Variants in SEMA5B observed in about 807,000 individuals in gnomAD.
SEMA5B encodes the protein semaphorin-5B.
In SEMA5B, 66 loss-of-function variants were observed where a neutral mutation model predicts 135.0. That is an observed-to-expected ratio of 0.49 (90% CI 0.40 to 0.60). The LOEUF is 0.60. Ranked by LOEUF, SEMA5B falls within the 20% of genes least tolerant of loss-of-function variation. The probability of loss-of-function intolerance (pLI) is 0.00; values close to 1 mark genes in which losing one functional copy is unlikely to be tolerated. For synonymous variants in SEMA5B, 690 were observed against 639.5 expected, an observed-to-expected ratio of 1.08 and a Z score of -1.19; for missense variants, 1,501 against 1,566.3, an observed-to-expected ratio of 0.96 and a Z score of 0.70.
intron 1 of SEMA5B, among the ~76,000 whole-genome samples, chr3:122,986,155 G>T (rs1295878780): frequency 6.6e-6 from 1 of 152,136 alleles, no homozygotes; most frequent in Non-Finnish European, 1.5e-5. Flanking sequence ...ACTGTCCTTT[G>T]TCTTACTCTA....
chr3:123,004,084 G>A lies in SEMA5B; in HGVS notation c.-39+23380C>T, dbSNP rs1211877881. ...CCCCTGCTAAAGCTAAACAGCATACGTACCCTTAAACCTGTCAAGGCCATC... is the reference window on the plus strand; with the variant it reads ...CCCCTGCTAAAGCTAAACAGCATACATACCCTTAAACCTGTCAAGGCCATC... On this transcript the variant is annotated intron_variant, in intron 1 of 22. Transcript: ENST00000357599. 3.9e-5 allele frequency among the ~76,000 whole-genome samples: 6 copies of A among 152,098 alleles called. No homozygotes were observed. In the South Asian group the frequency reaches 8.3e-4, roughly 21 times the overall value.
chr3:122,936,361 C>G (rs1424254241), intron 5 of SEMA5B, among the ~76,000 whole-genome samples: 1 of 152,212 alleles, frequency 6.6e-6, no homozygotes, highest in African/African-American at 2.4e-5. Context: ...GTCCACTGCT[C>G]TGTGGAGTTT....
chr3:123,007,008 C>T (rs993852141), intron 1 of SEMA5B, among the ~76,000 whole-genome samples: 1 of 152,162 alleles, frequency 6.6e-6, no homozygotes, highest in African/African-American at 2.4e-5. Context: ...CAGAACTTCC[C>T]ACCCAGAAAA....
At position 122,910,968 on chromosome 3, in the gene SEMA5B, G is replaced by A; in HGVS notation, c.3169C>T (p.Leu1057=). ...GSGLLTLAVY[L]SCQHCQRQSQ... is the part of the protein sequence containing the mutation. ...TGACGCTGGCAGTGCTGGCAAGACAGGTACACTGCTAGGGTCAGGAGCCCA... is the reference window on the plus strand; with the variant it reads ...TGACGCTGGCAGTGCTGGCAAGACAAGTACACTGCTAGGGTCAGGAGCCCA... The change falls in exon 22 of 23, where the codon CTG becomes TTG. Residue 1057 remains leucine, a synonymous_variant. Transcript: ENST00000357599. 6.2e-7 allele frequency: 1 copy of A among 1,614,030 alleles called. No individual in the cohort carries two copies. The highest frequency in any genetic ancestry group is 8.5e-7 in the Non-Finnish European group (1 of 1,180,010).
intron 1 of SEMA5B, among the ~76,000 whole-genome samples, chr3:122,968,338 G>T (rs113149802): frequency 6.6e-6 from 1 of 152,198 alleles, no homozygotes; most frequent in Non-Finnish European, 1.5e-5. Flanking sequence ...ATTTACACAG[G>T]TGAAGAGACA....
At chr3:122,920,497 TAA>T (rs1378985446) in intron 12 of SEMA5B, among the ~76,000 whole-genome samples, 1 of 152,252 alleles carries the variant, frequency 6.6e-6, no homozygotes, top group Non-Finnish European at 1.5e-5. Context: ...GGAGGGCTCC[TAA>T]ATGCATTTGG....
At chr3:122,938,896 T>G (rs917267101) in intron 5 of SEMA5B, among the ~76,000 whole-genome samples, 2 of 152,236 alleles carry the variant, frequency 1.3e-5, no homozygotes, top group Non-Finnish European at 1.5e-5. Context: ...TGGGAAGTCC[T>G]TCTTGGCAGC....
chr3:122,950,914 G>A (rs1940018292), intron 2 of SEMA5B, among the ~76,000 whole-genome samples: 1 of 152,220 alleles, frequency 6.6e-6, no homozygotes, highest in Non-Finnish European at 1.5e-5. Flanking sequence ...GTTAAAAAGT[G>A]TGAAGATTTT....
intron 5 of SEMA5B, among the ~76,000 whole-genome samples, chr3:122,935,322 G>T (rs994443700): frequency 6.6e-6 from 1 of 151,998 alleles, no homozygotes; most frequent in African/African-American, 2.4e-5. Context: ...GGCTGGGGGA[G>T]CAGGGGGTGG....
At chr3:122,967,443 G>A (rs974651397) in intron 1 of SEMA5B, among the ~76,000 whole-genome samples, 1 of 152,084 alleles carries the variant, frequency 6.6e-6, no homozygotes, top group Non-Finnish European at 1.5e-5. Flanking sequence ...TTTGTGGGTG[G>A]GTGCACCCAT....
chr3:122,948,589 G>C lies in SEMA5B; in HGVS notation c.245C>G (p.Ser82Cys). The change falls in exon 3 of 23, where the codon TCC becomes TGC. Residue 82 changes from serine (S) to cysteine (C), a missense_variant. Ser to Cys is a moderately radical substitution (Grantham distance 112). Around this residue, in one of 2 missense-constraint regions of SEMA5B, gnomAD observed 574 missense variants for 684.7 expected, o/e 0.84. Coordinates refer to ENST00000357599, the MANE Select transcript of SEMA5B (RefSeq NM_001031702.4). ...CTCACTGGAGACATCCTGGGAGCTG[G>C]AGAGGTGGGACACCAGCAGTGTGAG... ...PSLTLLVSHLSSSQDVSSEPS... is the reference protein window; with the variant it reads ...PSLTLLVSHLCSSQDVSSEPS... 1 of 1,614,050 alleles carries C rather than the reference G, an allele frequency of 6.2e-7. No individual in the cohort carries two copies. The highest frequency in any genetic ancestry group is 8.5e-7 in the Non-Finnish European group (1 of 1,179,958).
intron 1 of SEMA5B, among the ~76,000 whole-genome samples, chr3:123,000,653 A>G (rs1443309225): frequency 1.3e-5 from 2 of 152,198 alleles, no homozygotes; most frequent in Non-Finnish European, 2.9e-5. Context: ...TAGGTGGCAC[A>G]GCAGGAACTC....
At chr3:123,020,261 C>T (rs1267658093) in intron 1 of SEMA5B, among the ~76,000 whole-genome samples, 1 of 152,146 alleles carries the variant, frequency 6.6e-6, no homozygotes, top group Non-Finnish European at 1.5e-5. Context: ...CATTATAAAG[C>T]CCATCTTAGT....
intron 7 of SEMA5B, 89 bp from the exon 8 acceptor site, chr3:122,928,092 C>CAGAGAGACTGGGGCA: frequency 1.4e-5 from 13 of 951,074 alleles, no homozygotes; most frequent in South Asian, 2.1e-5. Flanking sequence ...CTCCTGTGCC[C>CAGAGAGACTGGGGCA]CAGTCTCTCT....
chr3:123,021,829 T>C (rs1035984404), intron 1 of SEMA5B, among the ~76,000 whole-genome samples: 4 of 152,230 alleles, frequency 2.6e-5, no homozygotes, highest in Admixed American at 1.3e-4. Flanking sequence ...TGTATGTTTA[T>C]ATGCACATGT....
intron 8 of SEMA5B, 97 bp from the exon 9 acceptor site, chr3:122,926,774 G>T (rs1938657660): frequency 2.9e-6 from 4 of 1,360,636 alleles, no homozygotes; most frequent in Non-Finnish European, 4.1e-6. Flanking sequence ...TCCCAGATGG[G>T]CATCCTGACA....
intron 1 of SEMA5B, among the ~76,000 whole-genome samples, chr3:123,022,765 T>C (rs1405368684): frequency 6.6e-6 from 1 of 152,192 alleles, no homozygotes; most frequent in Non-Finnish European, 1.5e-5. Context: ...TCTGCAAGGT[T>C]TGGGTTTCAT....
intron 2 of SEMA5B, among the ~76,000 whole-genome samples, chr3:122,957,249 T>G (rs1940365535): frequency 6.6e-6 from 1 of 152,226 alleles, no homozygotes; most frequent in African/African-American, 2.4e-5. Flanking sequence ...ACAGGTGGAT[T>G]AGAGCAGGCC....
In SEMA5B at chr3:122,943,504, G is replaced by T. The variant is rs1267525560; in HGVS notation, c.360C>A (p.Tyr120Ter). 1.2e-6 allele frequency: 2 copies of T among 1,610,048 alleles called. No individual in the cohort carries two copies. Among genetic ancestry groups the T allele is most frequent in the South Asian group, 1.1e-5 (1 of 89,506 alleles). ...DLQPWVSNFT[Y>*]PGARDFSQLA... ...GCTGGGAGAAATCCCGGGCTCCAGG[G>T]TAGGTGAAGTTAGAGACCCACGGCT... Residue 120 changes from tyrosine (Y) to a stop codon, truncating the protein, a stop_gained, in exon 4 of 23, where the codon TAC becomes TAA. Transcript: ENST00000357599. LOFTEE classifies it high-confidence loss of function.
Sources: allele counts gnomAD v4.1 joint callset (sites outside exome capture counted in the v4.1 genomes callset), GRCh38; gene constraint gnomAD v4.1.1; regional missense constraint gnomAD v4.1.1; transcripts MANE v1.5; gene names NCBI Gene and HGNC (gene_info 2026-07-23, HGNC 2026-07-21).